The following SWAP70 variants were observed in gnomAD, a reference collection of about 807,000 sequenced individuals.
The protein encoded by SWAP70 is switching B cell complex subunit SWAP70.
A neutral mutation model predicts 80.2 loss-of-function variants in SWAP70; 34 were observed. The ratio of observed to expected loss-of-function variants is 0.42; its 90% confidence interval spans 0.32 to 0.56. The LOEUF (loss-of-function observed/expected upper bound fraction) is 0.56. Ranked by LOEUF, SWAP70 falls within the 20% of genes least tolerant of loss-of-function variation. The probability of loss-of-function intolerance (pLI) is 0.09; values close to 1 mark genes in which losing one functional copy is unlikely to be tolerated. For synonymous variants in SWAP70, 239 were observed against 238.5 expected (o/e 1.00, Z -0.02); for missense variants, 578 against 690.7 (o/e 0.84, Z 1.83).
chr11:9,677,032 C>G (rs1440158302), intron 1 of SWAP70, among the ~76,000 whole-genome samples: 1 of 151,588 alleles, frequency 6.6e-6, no homozygotes, highest in Non-Finnish European at 1.5e-5. Context: ...ATACGGAGGG[C>G]CAACTGTATT....
chr11:9,682,906 G>T (rs1445576054), intron 1 of SWAP70, among the ~76,000 whole-genome samples: 1 of 152,128 alleles, frequency 6.6e-6, no homozygotes, highest in Non-Finnish European at 1.5e-5. Context: ...CAAACTCCTG[G>T]CCTGAAGTGA....
intron 11 of SWAP70, 61 bp downstream of exon 11, chr11:9,749,244 A>G (rs759246319): frequency 3.2e-6 from 3 of 940,132 alleles, no homozygotes; most frequent in Non-Finnish European, 4.2e-6. Flanking sequence ...ATTTTATTTA[A>G]TTAATTTATT....
chr11:9,721,327 C>T (rs748074569), intron 3 of SWAP70, among the ~76,000 whole-genome samples: 27 of 152,090 alleles, frequency 1.8e-4, no homozygotes, highest in Non-Finnish European at 3.5e-4. Flanking sequence ...AAGATCTAAG[C>T]GTGTTTTTCT....
intron 2 of SWAP70, among the ~76,000 whole-genome samples, chr11:9,713,233 T>C (rs1011700536): frequency 1.3e-5 from 2 of 152,220 alleles, no homozygotes; most frequent in Non-Finnish European, 2.9e-5. Flanking sequence ...GTCAGTATTT[T>C]ATGTGCCAAG....
In SWAP70 at chr11:9,693,989, A is replaced by G. The variant is rs542725780; in HGVS notation, c.100-157A>G. Among the ~76,000 whole-genome samples the G allele has an allele frequency of 5.3e-5, 8 of 152,294 alleles. No individual in the cohort carries two copies. In the East Asian group the frequency reaches 1.4e-3, roughly 26 times the overall value. ...GGAATGAGAAAGAATAACAGGTTAC[A>G]AGTAGGGGCTTGCAGCTGAGCAGTC... On this transcript the variant is annotated intron_variant, in intron 1 of 11. Transcript: ENST00000318950.
intron 1 of SWAP70, among the ~76,000 whole-genome samples, chr11:9,670,739 T>C (rs764274354): frequency 2.0e-5 from 3 of 151,922 alleles, no homozygotes; most frequent in Non-Finnish European, 2.9e-5. Context: ...AATTTTTTAT[T>C]ATTATTTTTA....
chr11:9,689,381 C>G (rs1428672521), intron 1 of SWAP70, among the ~76,000 whole-genome samples: 1 of 152,174 alleles, frequency 6.6e-6, no homozygotes, highest in Non-Finnish European at 1.5e-5. Context: ...CAGCAGAGGC[C>G]CTGCAGAGGC....
In SWAP70 at chr11:9,678,543, C is replaced by CTT. The variant is rs72123125; in HGVS notation, c.99+14285_99+14286dup. On this transcript the variant is annotated intron_variant, in intron 1 of 11. Coordinates refer to ENST00000318950, the MANE Select transcript of SWAP70 (RefSeq NM_015055.4). ...AAAATAACACGTAAACTCTGAGGTGCTTTTTTTTTTTTTTTTTTTTTGGTA... is the reference window on the plus strand; with the variant it reads ...AAAATAACACGTAAACTCTGAGGTGCTTTTTTTTTTTTTTTTTTTTTTTGGTA... Among the ~76,000 whole-genome samples the CTT allele has an allele frequency of 3.2e-3, 250 of 77,176 alleles. 9 individuals carry two copies. Among genetic ancestry groups the CTT allele is most frequent in the Non-Finnish European group, 4.2e-3 (148 of 35,598 alleles). The allele number at this position is 77,176 out of a possible 152,430, so 50.6% of individuals were successfully genotyped here. A position where few individuals can be genotyped will look rare whatever the true frequency, so the allele number is the denominator to read the frequency against.
Position 9,687,069 on chromosome 11 carries a change from A to C in SWAP70, c.100-7077A>C, listed in dbSNP as rs527473175. Among the ~76,000 whole-genome samples, 6 of 152,118 alleles carry C rather than the reference A, an allele frequency of 3.9e-5. No individual in the cohort carries two copies. The East Asian group carries it at 1.2e-3, about 29-fold the overall frequency. On this transcript the variant is annotated intron_variant, in intron 1 of 11. Coordinates refer to ENST00000318950, the MANE Select transcript of SWAP70 (RefSeq NM_015055.4). Reference sequence around the variant, plus strand: ...CTAGCAAGATTAAGCATCTTTTCCTATATTTTATTTGCCTATTTTTGAAGT... The same window carrying C: ...CTAGCAAGATTAAGCATCTTTTCCTCTATTTTATTTGCCTATTTTTGAAGT...
chr11:9,679,798 A>T (rs1017156975), intron 1 of SWAP70, among the ~76,000 whole-genome samples: 1 of 151,964 alleles, frequency 6.6e-6, no homozygotes, highest in South Asian at 2.1e-4. Context: ...CCTCCTGAGT[A>T]GCTGGGACTA....
intron 2 of SWAP70, among the ~76,000 whole-genome samples, chr11:9,707,894 A>C (rs1444485964): frequency 1.3e-5 from 2 of 151,332 alleles, no homozygotes; most frequent in African/African-American, 4.8e-5. Flanking sequence ...AAATTTTTTT[A>C]AACTTTAATA....
chr11:9,732,674 C>T lies in SWAP70; in HGVS notation c.1044C>T (p.Asn348=), dbSNP rs360157. Residue 348 remains asparagine (N), a synonymous_variant, in exon 7 of 12, where the codon AAC becomes AAT. Transcript: ENST00000318950. ...AAATGAAGGAACTCCAGGCCGCCAA[C>T]GAAAGCAAGCAGCAGGAGCTGGAGG... ...ERQMKELQAA[N]ESKQQELEAV... is the part of the protein sequence containing the mutation. 0.57 allele frequency: 882,134 copies of T among 1,558,128 alleles called. 252,131 individuals carry two copies. Among genetic ancestry groups the T allele is most frequent in the Middle Eastern group, 0.67 (3,836 of 5,726 alleles).
intron 1 of SWAP70, among the ~76,000 whole-genome samples, chr11:9,679,768 A>C (rs1478354343): frequency 1.3e-5 from 2 of 152,106 alleles, no homozygotes; most frequent in Non-Finnish European, 2.9e-5. Flanking sequence ...TCCCAAGTTC[A>C]CACCATTCTC....
rs144763436 is a variant in SWAP70, at chr11:9,715,575, T to C, written c.414+1936T>C. ...AGAAAGAGGTTTAATGAACTTACAG[T>C]TCCACATGGCTGGGGAGGGCTTACA... On this transcript the variant is annotated intron_variant, in intron 3 of 11. Coordinates refer to ENST00000318950, the MANE Select transcript of SWAP70 (RefSeq NM_015055.4). Among the ~76,000 whole-genome samples the C allele has an allele frequency of 1.1e-4, 16 of 152,288 alleles. No individual in the cohort carries two copies. In the East Asian group the frequency reaches 2.7e-3, roughly 26 times the overall value.
At chr11:9,738,362 G>C (rs919195019) in intron 8 of SWAP70, 42 bp downstream of exon 8, 5 of 1,494,484 alleles carry the variant, frequency 3.3e-6, no homozygotes, top group Non-Finnish European at 4.5e-6. Context: ...CAGTAGCTCA[G>C]CCTGGGTCGG....
intron 6 of SWAP70, 84 bp downstream of exon 6, chr11:9,729,535 G>A (rs1851269101): frequency 1.9e-6 from 2 of 1,048,920 alleles, no homozygotes; most frequent in South Asian, 1.4e-5. Context: ...GTCTTGCTCT[G>A]TTGCCCGGGC....
intron 1 of SWAP70, among the ~76,000 whole-genome samples, chr11:9,684,110 C>T (rs1377461657): frequency 3.9e-5 from 6 of 152,004 alleles, no homozygotes; most frequent in Non-Finnish European, 8.8e-5. Context: ...GAGACAGGGT[C>T]TTACACTGTC....
intron 1 of SWAP70, among the ~76,000 whole-genome samples, chr11:9,665,554 A>G (rs1850298068): frequency 6.6e-6 from 1 of 152,060 alleles, no homozygotes; most frequent in Non-Finnish European, 1.5e-5. Context: ...CTCCACCCCA[A>G]CTGTCGGCAA....
intron 3 of SWAP70, among the ~76,000 whole-genome samples, chr11:9,714,683 T>G (rs539080851): frequency 2.0e-5 from 3 of 152,210 alleles, no homozygotes; most frequent in Non-Finnish European, 4.4e-5. Context: ...AGGCAGTGTT[T>G]TATGAGTCAG....
Sources: gnomAD v4.1 joint callset for allele counts (sites outside exome capture counted in the v4.1 genomes callset) on GRCh38, gnomAD v4.1.1 for gene constraint, MANE v1.5 for transcripts, NCBI Gene and HGNC (gene_info 2026-07-23, HGNC 2026-07-21) for gene names.